Variants in CDC27 observed in about 807,000 individuals in gnomAD.
CDC27 encodes the protein cell division cycle 27, also known as cell division cycle protein 27 homolog.
Under a neutral mutation model 109.7 loss-of-function variants are expected in CDC27, and 27 were observed. That is an observed-to-expected ratio of 0.25 (90% CI 0.18 to 0.34). The LOEUF is 0.34. CDC27 is among the 10% of genes least tolerant of loss of function. The pLI, the probability that CDC27 is intolerant of heterozygous loss-of-function variation, is 1.00. For synonymous variants in CDC27, 266 were observed against 333.9 expected (o/e 0.80, Z 2.22); for missense variants, 579 against 960.2 (o/e 0.60, Z 5.25).
At chr17:47,151,499 G>A (rs927069209) in intron 9 of CDC27, among the ~76,000 whole-genome samples, 1 of 152,160 alleles carries the variant, frequency 6.6e-6, no homozygotes, top group Non-Finnish European at 1.5e-5. Context: ...ATGTGGGGAA[G>A]GGGAGTATGA....
At chr17:47,149,316 TC>T (rs2063078532) in intron 9 of CDC27, among the ~76,000 whole-genome samples, 1 of 150,794 alleles carries the variant, frequency 6.6e-6, no homozygotes, top group Admixed American at 6.6e-5. Context: ...ATCGGGACCA[TC>T]CTGGCCAACA....
chr17:47,139,015 A>AT, intron 12 of CDC27, 124 bp from the exon 13 acceptor site: 1 of 617,484 alleles, frequency 1.6e-6, no homozygotes, highest in African/African-American at 1.9e-5. Context: ...TTTTATGTGA[A>AT]TGAGTATTAA....
chr17:47,175,037 GAGAGGA>G (rs1237433274), intron 2 of CDC27, among the ~76,000 whole-genome samples: 28 of 137,024 alleles, frequency 2.0e-4, no homozygotes, highest in East Asian at 4.3e-4. Flanking sequence ...GAAAGAGAGA[GAGAGGA>G]AGGAAGGAAG....
intron 14 of CDC27, among the ~76,000 whole-genome samples, chr17:47,134,815 G>C (rs1381059998): frequency 6.7e-6 from 1 of 149,186 alleles, no homozygotes. Flanking sequence ...GTTAGGGAAG[G>C]GGTCTTGCTA....
At chr17:47,125,392 G>A (rs9897015) in intron 16 of CDC27, among the ~76,000 whole-genome samples, 53,665 of 150,854 alleles carry the variant, frequency 0.36, 10,047 homozygotes, top group Admixed American at 0.43. Context: ...AATTACAGGC[G>A]TGTGCCACCA....
intron 2 of CDC27, among the ~76,000 whole-genome samples, chr17:47,178,241 T>TA (rs376699480): frequency 6.6e-6 from 1 of 151,428 alleles, no homozygotes; most frequent in Admixed American, 6.6e-5. Flanking sequence ...CTAATAAGGG[T>TA]AAAAAAAATC....
chr17:47,147,976 G>A (rs965392525), intron 9 of CDC27, among the ~76,000 whole-genome samples: 8 of 150,780 alleles, frequency 5.3e-5, no homozygotes, highest in African/African-American at 1.2e-4. Flanking sequence ...CAAGGTGGGC[G>A]GATCACGAGT....
intron 2 of CDC27, among the ~76,000 whole-genome samples, chr17:47,179,096 T>G (rs2064127496): frequency 6.6e-6 from 1 of 152,290 alleles, no homozygotes; most frequent in East Asian, 1.9e-4. Context: ...TGTTCCTTCT[T>G]TCTGATCCCA....
At chr17:47,124,107 G>T in intron 16 of CDC27, 147 bp from the exon 17 acceptor site, 1 of 512,260 alleles carries the variant, frequency 2.0e-6, no homozygotes, top group Non-Finnish European at 3.4e-6. Context: ...AGTTCTTATT[G>T]CTGTGAAAAT....
At position 47,189,230 on chromosome 17, in the gene CDC27, GC is replaced by G; in HGVS notation, c.-59del. 1 of 1,354,328 alleles carries G rather than the reference GC, an allele frequency of 7.4e-7. No homozygotes were observed. The highest frequency in any genetic ancestry group is 1.1e-6 in the Non-Finnish European group (1 of 944,516). 83.9% of individuals were successfully genotyped at this position (1,354,328 alleles called of 1,614,324 possible). A position where few individuals can be genotyped will look rare whatever the true frequency, so the allele number is the denominator to read the frequency against. ...TCAGGCCCCCCCTGTAGCGGCTCCG[GC>G]CCGGCCAGCCCCTGCTCATTTAAAC... On this transcript the variant is annotated 5_prime_UTR_variant, in exon 1 of 19. It introduces an in-frame stop codon into an upstream open reading frame of the 5' UTR. Coordinates refer to ENST00000066544, the MANE Select transcript of CDC27 (RefSeq NM_001256.6).
chr17:47,184,747 G>C (rs927305605), intron 1 of CDC27, among the ~76,000 whole-genome samples: 1 of 152,138 alleles, frequency 6.6e-6, no homozygotes, highest in African/African-American at 2.4e-5. Flanking sequence ...CTGACTAACA[G>C]TGTCTCTTGT....
intron 9 of CDC27, among the ~76,000 whole-genome samples, chr17:47,145,636 C>T (rs2062933772): frequency 6.6e-6 from 1 of 152,096 alleles, no homozygotes; most frequent in Admixed American, 6.5e-5. Context: ...GGCATGGTGG[C>T]TCACACATGT....
intron 4 of CDC27, 82 bp from the exon 5 acceptor site, chr17:47,158,385 A>G (rs1489119321): frequency 3.5e-6 from 2 of 566,556 alleles, no homozygotes; most frequent in Non-Finnish European, 5.6e-6. Flanking sequence ...AAATTAGGTA[A>G]AAGTTACAGA....
In CDC27 at chr17:47,135,407, A is replaced by AGATGAT. The variant is rs201672676; in HGVS notation, c.1913+1739_1913+1744dup. On this transcript the variant is annotated intron_variant, in intron 14 of 18. Coordinates refer to ENST00000066544, the MANE Select transcript of CDC27 (RefSeq NM_001256.6). ...ACGGAGACTTCTCATGGCCATAACT[A>AGATGAT]GATGATGATGATGATGATGATGATG... Among the ~76,000 whole-genome samples the AGATGAT allele has an allele frequency of 2.1e-3, 317 of 150,656 alleles. 2 individuals are homozygous for AGATGAT. The highest frequency in any genetic ancestry group is 4.7e-3 in the African/African-American group (192 of 40,974).
At chr17:47,153,068 C>A (rs1411172252) in intron 8 of CDC27, among the ~76,000 whole-genome samples, 1 of 152,192 alleles carries the variant, frequency 6.6e-6, no homozygotes, top group African/African-American at 2.4e-5. Context: ...TCCGCCTTTT[C>A]CAAATTGGGA....
chr17:47,147,059 T>C (rs2062980352), intron 9 of CDC27, among the ~76,000 whole-genome samples: 2 of 152,078 alleles, frequency 1.3e-5, no homozygotes, highest in Non-Finnish European at 2.9e-5. Context: ...TAAAAGACCC[T>C]GTCTCAAAGA....
chr17:47,133,086 AACACAC>A (rs1211093000), intron 14 of CDC27, among the ~76,000 whole-genome samples: 1 of 30,632 alleles, frequency 3.3e-5, no homozygotes, highest in African/African-American at 1.4e-4. Context: ...CACACACACA[AACACAC>A]ACACACAAAT....
chr17:47,180,191 T>C (rs973920909), intron 2 of CDC27, among the ~76,000 whole-genome samples: 3 of 152,326 alleles, frequency 2.0e-5, no homozygotes, highest in Middle Eastern at 3.4e-3. Flanking sequence ...AAAATATTTT[T>C]AAATAGATTA....
At chr17:47,133,018 T>TATAC (rs1555783816) in intron 14 of CDC27, among the ~76,000 whole-genome samples, 1 of 47,266 alleles carries the variant, frequency 2.1e-5, no homozygotes, top group Non-Finnish European at 4.1e-5. Flanking sequence ...TATATATATA[T>TATAC]ATATATATAT....
Sources: gnomAD v4.1 joint callset for allele counts (sites outside exome capture counted in the v4.1 genomes callset) on GRCh38, gnomAD v4.1.1 for gene constraint, MANE v1.5 for transcripts, NCBI Gene and HGNC (gene_info 2026-07-23, HGNC 2026-07-21) for gene names.